The following PEX5L variants were observed in gnomAD, a reference collection of about 807,000 sequenced individuals.
PEX5L encodes PEX5-related protein.
PEX5L carries 30 observed loss-of-function variants against 84.0 expected under a neutral mutation model. The ratio of observed to expected loss-of-function variants is 0.36; its 90% confidence interval spans 0.27 to 0.48. The LOEUF is 0.48. PEX5L is among the 20% of genes least tolerant of loss of function. The probability of loss-of-function intolerance (pLI) is 0.99; values close to 1 mark genes in which losing one functional copy is unlikely to be tolerated. For synonymous variants in PEX5L, 270 were observed against 283.1 expected, an observed-to-expected ratio of 0.95 and a Z score of 0.46; for missense variants, 533 against 754.6, an observed-to-expected ratio of 0.71 and a Z score of 3.44.
At chr3:179,961,406 C>A (rs1227662719) in intron 2 of PEX5L, among the ~76,000 whole-genome samples, 1 of 151,926 alleles carries the variant, frequency 6.6e-6, no homozygotes, top group African/African-American at 2.4e-5. Context: ...TTCTGTCAAA[C>A]CTTATATATG....
At chr3:179,918,484 GTAGCTTTT>G (rs750933391) in intron 2 of PEX5L, among the ~76,000 whole-genome samples, 3 of 152,214 alleles carry the variant, frequency 2.0e-5, no homozygotes, top group African/African-American at 4.8e-5. Context: ...TTGTGGCACA[GTAGCTTTT>G]TTAAGCGTCA....
chr3:179,862,159 C>T (rs1746430584), intron 7 of PEX5L, among the ~76,000 whole-genome samples: 1 of 152,174 alleles, frequency 6.6e-6, no homozygotes, highest in Non-Finnish European at 1.5e-5. Context: ...CTGCGTCACT[C>T]CATGTTGCCT....
chr3:180,017,694 A>C (rs1790059719), intron 1 of PEX5L, among the ~76,000 whole-genome samples: 1 of 151,810 alleles, frequency 6.6e-6, no homozygotes, highest in Admixed American at 6.6e-5. Flanking sequence ...TTCCTACATA[A>C]GTTTGTGTCT....
chr3:179,890,240 G>T (rs772275827), intron 3 of PEX5L, among the ~76,000 whole-genome samples: 1 of 152,208 alleles, frequency 6.6e-6, no homozygotes, highest in African/African-American at 2.4e-5. Flanking sequence ...TGTGAAGTGC[G>T]ATCTGAATTC....
chr3:179,948,091 T>A (rs1778089688), intron 2 of PEX5L, among the ~76,000 whole-genome samples: 1 of 152,222 alleles, frequency 6.6e-6, no homozygotes, highest in African/African-American at 2.4e-5. Flanking sequence ...ATTAATCAGA[T>A]GCTTTTTCTT....
intron 4 of PEX5L, 31 bp downstream of exon 4, chr3:179,887,642 G>T: frequency 7.5e-7 from 1 of 1,331,086 alleles, no homozygotes; most frequent in Non-Finnish European, 1.1e-6. Context: ...ATTAACTCTA[G>T]TTGAGGAACA....
chr3:179,851,186 T>C (rs1741705285), intron 8 of PEX5L, among the ~76,000 whole-genome samples: 1 of 152,198 alleles, frequency 6.6e-6, no homozygotes, highest in Non-Finnish European at 1.5e-5. Context: ...TTTGGGCTGG[T>C]ATAACAAAAA....
rs1717316544 is a variant in PEX5L, at chr3:179,797,238, G to A, written c.*4590C>T. 1 of 152,136 alleles carries A rather than the reference G, an allele frequency of 6.6e-6. No individual in the cohort carries two copies. The highest frequency in any genetic ancestry group is 1.9e-4 in the East Asian group (1 of 5,192). 9.4% of individuals were successfully genotyped at this position (152,136 alleles called of 1,614,324 possible). A position where few individuals can be genotyped will look rare whatever the true frequency, so the allele number is the denominator to read the frequency against. On this transcript the variant is annotated 3_prime_UTR_variant, in exon 15 of 15. Coordinates refer to ENST00000467460, the MANE Select transcript of PEX5L (RefSeq NM_016559.3). Reference sequence around the variant, plus strand: ...TTCTTCAGAGGATTAGTTTGGCACTGGTAACACTGTAGAAACCAGATGTGT... The same window carrying A: ...TTCTTCAGAGGATTAGTTTGGCACTAGTAACACTGTAGAAACCAGATGTGT...
chr3:179,885,188 C>T (rs112264445), intron 4 of PEX5L, among the ~76,000 whole-genome samples: 199 of 152,150 alleles, frequency 1.3e-3, no homozygotes, highest in African/African-American at 4.3e-3. Flanking sequence ...AGACCCCCTA[C>T]GTTGGAGAGT....
At chr3:179,933,219 G>A (rs1280660391) in intron 2 of PEX5L, among the ~76,000 whole-genome samples, 1 of 152,192 alleles carries the variant, frequency 6.6e-6, no homozygotes, top group African/African-American at 2.4e-5. Flanking sequence ...TCTGGACCAT[G>A]TGTGTTTGTC....
intron 3 of PEX5L, among the ~76,000 whole-genome samples, chr3:179,891,691 T>C (rs1757676241): frequency 6.6e-6 from 1 of 152,172 alleles, no homozygotes; most frequent in Admixed American, 6.6e-5. Flanking sequence ...CAATTTTAAA[T>C]TGCATCTTCA....
chr3:179,984,942 T>C (rs750881198), intron 1 of PEX5L, among the ~76,000 whole-genome samples: 3 of 152,242 alleles, frequency 2.0e-5, no homozygotes, highest in Non-Finnish European at 2.9e-5. Context: ...GCTTTGTCTA[T>C]CTAGAAAGTG....
chr3:179,994,397 A>C (rs1401882824), intron 1 of PEX5L, among the ~76,000 whole-genome samples: 1 of 152,190 alleles, frequency 6.6e-6, no homozygotes, highest in East Asian at 1.9e-4. Flanking sequence ...CAAATCTTCT[A>C]GCAAAGTGCT....
intron 2 of PEX5L, among the ~76,000 whole-genome samples, chr3:179,927,928 C>T (rs950620595): frequency 5.3e-5 from 8 of 152,118 alleles, no homozygotes; most frequent in Non-Finnish European, 1.2e-4. Context: ...ATTATCATTT[C>T]AATATGTGAT....
intron 2 of PEX5L, among the ~76,000 whole-genome samples, chr3:179,940,486 A>G (rs1454584965): frequency 6.6e-6 from 1 of 152,170 alleles, no homozygotes; most frequent in East Asian, 1.9e-4. Flanking sequence ...GGATCCCCTT[A>G]GTTGCCACTA....
intron 1 of PEX5L, among the ~76,000 whole-genome samples, chr3:180,014,316 C>CA (rs1288802301): frequency 6.6e-6 from 1 of 151,904 alleles, no homozygotes. Flanking sequence ...ACTAAAAATA[C>CA]AAAAAATTAG....
chr3:179,982,749 C>T (rs1053968616), intron 1 of PEX5L, among the ~76,000 whole-genome samples: 29 of 152,064 alleles, frequency 1.9e-4, no homozygotes, highest in African/African-American at 6.8e-4. Context: ...CAGGGTTTAA[C>T]GAAAAGTCTT....
intron 8 of PEX5L, among the ~76,000 whole-genome samples, chr3:179,833,614 T>C (rs1733914906): frequency 6.6e-6 from 1 of 152,172 alleles, no homozygotes; most frequent in African/African-American, 2.4e-5. Context: ...AAATAGAAGG[T>C]CAGTGATTCC....
intron 1 of PEX5L, among the ~76,000 whole-genome samples, chr3:180,017,483 TTTGA>T (rs1405867438): frequency 1.1e-4 from 17 of 152,176 alleles, no homozygotes; most frequent in East Asian, 1.9e-4. Context: ...AACCATTCTA[TTTGA>T]TTGGGGACTA....
Sources: allele counts gnomAD v4.1 joint callset (sites outside exome capture counted in the v4.1 genomes callset), GRCh38; gene constraint gnomAD v4.1.1; transcripts MANE v1.5; gene names NCBI Gene and HGNC (gene_info 2026-07-23, HGNC 2026-07-21).